DLG1: variants seen among roughly 807,000 people sequenced by gnomAD.
DLG1 encodes discs large MAGUK scaffold protein 1.
DLG1 carries 42 observed loss-of-function variants against 123.4 expected under a neutral mutation model. The ratio of observed to expected loss-of-function variants is 0.34; its 90% confidence interval spans 0.27 to 0.44. The LOEUF (loss-of-function observed/expected upper bound fraction) is 0.44, where lower values mean the gene tolerates loss of function less well. DLG1 is among the 20% of genes least tolerant of loss of function. The pLI is 1.00. For missense variants in DLG1, 942 were observed against 1,082.6 expected, an observed-to-expected ratio of 0.87 and a Z score of 1.82; for synonymous variants, 317 against 356.2, an observed-to-expected ratio of 0.89 and a Z score of 1.24.
chr3:197,245,692 T>C (rs1751281555), intron 4 of DLG1, among the ~76,000 whole-genome samples: 1 of 152,156 alleles, frequency 6.6e-6, no homozygotes, highest in Admixed American at 6.5e-5. Flanking sequence ...TGAGTTTTCT[T>C]TGGCTCCTAT....
At chr3:197,298,389 G>A (rs1165107973) in intron 1 of DLG1, 147 bp downstream of exon 1, 2 of 397,712 alleles carry the variant, frequency 5.0e-6, no homozygotes, top group African/African-American at 4.1e-5. Context: ...CAGGTGGCCC[G>A]GGGTGGCCCT....
At position 197,134,070 on chromosome 3, in the gene DLG1, GA is replaced by G. The variant is rs1783939777; in HGVS notation, c.1020+2471del. On this transcript the variant is annotated intron_variant, in intron 10 of 24. Coordinates refer to ENST00000667157, the MANE Select transcript of DLG1 (RefSeq NM_001366207.1). ...CCAAGAAATTAAAAAGTAAAACTGA[GA>G]AAACTAGTGCAACAGAAGGCTGTCT... Among the ~76,000 whole-genome samples, 8 of 152,282 alleles carry G rather than the reference GA, an allele frequency of 5.3e-5. 1 individual carries two copies. The Middle Eastern group carries it at 0.024, about 453-fold the overall frequency.
Position 197,058,262 on chromosome 3 carries a change from C to T in DLG1, c.2483+1627G>A, listed in dbSNP as rs548363888. On this transcript the variant is annotated intron_variant, in intron 23 of 24. Coordinates refer to ENST00000667157, the MANE Select transcript of DLG1 (RefSeq NM_001366207.1). ...CCTGAAGTGTTGGGATTATAGGGGC[C>T]GGCCGTTGTGCCCCGCCTTCTTTTT... Among the ~76,000 whole-genome samples, 23 of 152,202 alleles carry T rather than the reference C, an allele frequency of 1.5e-4. 1 individual carries two copies. In the South Asian group the frequency reaches 2.7e-3, roughly 18 times the overall value.
intron 5 of DLG1, among the ~76,000 whole-genome samples, chr3:197,177,116 T>C (rs1176700323): frequency 6.6e-6 from 1 of 152,124 alleles, no homozygotes; most frequent in East Asian, 1.9e-4. Flanking sequence ...GATCCTACAA[T>C]ATTTTTTGTG....
intron 4 of DLG1, among the ~76,000 whole-genome samples, chr3:197,229,809 T>C (rs563884582): frequency 2.0e-5 from 3 of 152,350 alleles, no homozygotes; most frequent in South Asian, 2.1e-4. Flanking sequence ...AATCCAAATA[T>C]GATTATTTGG....
intron 5 of DLG1, among the ~76,000 whole-genome samples, chr3:197,179,003 T>G (rs146214151): frequency 2.0e-5 from 3 of 152,296 alleles, no homozygotes; most frequent in African/African-American, 7.2e-5. Flanking sequence ...CCAAAGGGAC[T>G]ACGATCTAGT....
intron 4 of DLG1, among the ~76,000 whole-genome samples, chr3:197,236,435 T>A (rs903765784): frequency 1.3e-5 from 2 of 151,976 alleles, no homozygotes; most frequent in African/African-American, 4.8e-5. Flanking sequence ...TGAAAAAAAA[T>A]ACATCAGGTG....
At chr3:197,104,120 T>C (rs1304816109) in intron 14 of DLG1, among the ~76,000 whole-genome samples, 1 of 152,178 alleles carries the variant, frequency 6.6e-6, no homozygotes, top group Non-Finnish European at 1.5e-5. Context: ...CAGTAACAGC[T>C]ATTAGAAACA....
At chr3:197,188,062 C>G (rs1297570101) in intron 5 of DLG1, among the ~76,000 whole-genome samples, 1 of 152,118 alleles carries the variant, frequency 6.6e-6, no homozygotes, top group Non-Finnish European at 1.5e-5. Flanking sequence ...CCACAATAAT[C>G]TAATAGATTA....
intron 15 of DLG1, among the ~76,000 whole-genome samples, chr3:197,087,124 A>G (rs1333226458): frequency 6.6e-6 from 1 of 152,206 alleles, no homozygotes; most frequent in African/African-American, 2.4e-5. Flanking sequence ...TCACCTGCGT[A>G]TATTCCCTCT....
intron 23 of DLG1, among the ~76,000 whole-genome samples, chr3:197,054,901 C>T (rs1327834649): frequency 7.9e-5 from 12 of 151,998 alleles, no homozygotes; most frequent in African/African-American, 1.5e-4. Flanking sequence ...CTGCAACCTC[C>T]GCCTCCTGGG....
At chr3:197,142,272 G>C (rs1447702640) in intron 7 of DLG1, among the ~76,000 whole-genome samples, 1 of 152,114 alleles carries the variant, frequency 6.6e-6, no homozygotes, top group African/African-American at 2.4e-5. Flanking sequence ...TCACAATCTA[G>C]AGGGGTCTAA....
chr3:197,162,853 G>C (rs186819114), intron 5 of DLG1, among the ~76,000 whole-genome samples: 3 of 152,158 alleles, frequency 2.0e-5, no homozygotes, highest in African/African-American at 4.8e-5. Context: ...AAATCAATTA[G>C]ACTCTAACAG....
Position 197,137,983 on chromosome 3 carries a change from C to CA in DLG1, c.883+238dup, listed in dbSNP as rs754605972. On this transcript the variant is annotated intron_variant, in intron 9 of 24. Coordinates refer to ENST00000667157, the MANE Select transcript of DLG1 (RefSeq NM_001366207.1). ...CAAAACCCTGCCTCAAAAAAACAAA[C>CA]AAAAAAACCCCGCAAAAAAAGGAAC... Among the ~76,000 whole-genome samples, 74 of 149,142 alleles carry CA rather than the reference C, an allele frequency of 5.0e-4. 1 individual carries two copies. The highest frequency in any genetic ancestry group is 2.7e-3 in the Admixed American group (40 of 15,016).
intron 4 of DLG1, among the ~76,000 whole-genome samples, chr3:197,241,333 A>G (rs1748739117): frequency 6.6e-6 from 1 of 152,132 alleles, no homozygotes; most frequent in South Asian, 2.1e-4. Context: ...AAGGGGAGAT[A>G]AAGACTCCCA....
At chr3:197,068,525 GTAA>G in intron 19 of DLG1, 1 of 1,581,960 alleles carries the variant, frequency 6.3e-7, no homozygotes, top group South Asian at 1.1e-5. Context: ...ATACTCATCT[GTAA>G]TCAAGATTAC....
intron 11 of DLG1, among the ~76,000 whole-genome samples, chr3:197,120,035 G>C (rs780783499): frequency 1.3e-5 from 2 of 152,052 alleles, no homozygotes; most frequent in Admixed American, 1.3e-4. Flanking sequence ...CAAGGCAGGC[G>C]GATCACCTGA....
intron 6 of DLG1, among the ~76,000 whole-genome samples, chr3:197,147,345 T>C (rs1220412081): frequency 6.6e-6 from 1 of 152,014 alleles, no homozygotes; most frequent in Non-Finnish European, 1.5e-5. Flanking sequence ...CACATGCATG[T>C]TTATAGCAGC....
chr3:197,241,109 T>C (rs983118668), intron 4 of DLG1, among the ~76,000 whole-genome samples: 11 of 151,884 alleles, frequency 7.2e-5, no homozygotes, highest in Non-Finnish European at 1.6e-4. Flanking sequence ...ATAATCAAAT[T>C]TGAAAAGTCA....
Sources: gnomAD v4.1 joint callset for allele counts (sites outside exome capture counted in the v4.1 genomes callset) on GRCh38, gnomAD v4.1.1 for gene constraint, MANE v1.5 for transcripts, NCBI Gene and HGNC (gene_info 2026-07-23, HGNC 2026-07-21) for gene names.